Variants in EPG5 observed in about 807,000 individuals in gnomAD.
EPG5 encodes ectopic P-granules 5 autophagy tethering factor.
In EPG5, 159 loss-of-function variants were observed where a neutral mutation model predicts 302.7. The observed-to-expected ratio is 0.53, with a 90% CI of 0.46 to 0.60. The LOEUF (loss-of-function observed/expected upper bound fraction) is 0.60, where lower values mean the gene tolerates loss of function less well. EPG5 is among the 20% of genes least tolerant of loss of function. EPG5 has a pLI of 0.00. For missense variants in EPG5, 2,896 were observed against 3,092.4 expected, an observed-to-expected ratio of 0.94 and a Z score of 1.51; for synonymous variants, 1,158 against 1,136.8, an observed-to-expected ratio of 1.02 and a Z score of -0.37.
At chr18:45,812,428 A>G in the EPG5 span, among the ~76,000 whole-genome samples, 1 of 152,342 alleles carries the variant, frequency 6.6e-6, no homozygotes, top group South Asian at 2.1e-4. Context: ...TTTAAAGTTC[A>G]TATGGAACCA....
intron 30 of EPG5, 29 bp downstream of exon 30, chr18:45,884,588 A>T: frequency 6.4e-7 from 1 of 1,555,788 alleles, no homozygotes; most frequent in Non-Finnish European, 8.7e-7. Flanking sequence ...ACGTTTCAAC[A>T]ATATGGTGAG....
Position 45,954,434 on chromosome 18 carries a change from C to G in EPG5, c.968G>C (p.Ser323Thr). The change falls in exon 2 of 44, where the codon AGT becomes ACT. Residue 323 changes from serine to threonine, a missense_variant. By Grantham distance (58) the Ser-to-Thr change is moderately conservative. Transcript: ENST00000282041. Reference protein sequence around the residue: ...TLTSDCQNAKSRLWQFKEEQM... With the variant: ...TLTSDCQNAKTRLWQFKEEQM... ...TTCCTCCTTAAACTGCCACAGCCGA[C>G]TTTTAGCATTTTGGCAATCAGATGT... The G allele has an allele frequency of 6.2e-7, 1 of 1,613,712 alleles. No homozygotes were observed. The highest frequency in any genetic ancestry group is 8.5e-7 in the Non-Finnish European group (1 of 1,179,836).
chr18:45,899,651 G>A, intron 26 of EPG5, 85 bp from the exon 27 acceptor site: 1 of 1,369,122 alleles, frequency 7.3e-7, no homozygotes, highest in Non-Finnish European at 1.0e-6. Flanking sequence ...CCCACAGCCA[G>A]CATTATAGTG....
intron 9 of EPG5, among the ~76,000 whole-genome samples, chr18:45,941,284 C>T (rs960508027): frequency 3.3e-5 from 5 of 152,138 alleles, no homozygotes; most frequent in South Asian, 2.1e-4. Context: ...CAACTAACTA[C>T]GAGAAAGGCT....
intron 39 of EPG5, among the ~76,000 whole-genome samples, chr18:45,864,519 T>A (rs1266754435): frequency 6.6e-6 from 1 of 152,222 alleles, no homozygotes; most frequent in African/African-American, 2.4e-5. Flanking sequence ...TACTAATTAT[T>A]CCACTATCTT....
intron 24 of EPG5, chr18:45,907,250 C>T (rs2049774215): frequency 1.3e-5 from 2 of 152,014 alleles, no homozygotes; most frequent in African/African-American, 4.8e-5. Context: ...TTCCTAAATC[C>T]CATCCTGGTG....
At chr18:45,955,397 G>T in intron 1 of EPG5, 59 bp from the exon 2 acceptor site, 1 of 1,243,634 alleles carries the variant, frequency 8.0e-7, no homozygotes, top group Non-Finnish European at 1.1e-6. Context: ...CTTTCAGCAG[G>T]AGGAATTTTA....
the EPG5 span, among the ~76,000 whole-genome samples, chr18:45,831,576 G>A: frequency 6.6e-6 from 1 of 152,200 alleles, no homozygotes; most frequent in Admixed American, 6.5e-5. Context: ...ACCCAGCAGA[G>A]TCTCTAGCAC....
chr18:45,824,590 G>A, the EPG5 span, among the ~76,000 whole-genome samples: 2,651 of 152,296 alleles, frequency 0.017, 82 homozygotes, highest in African/African-American at 0.061. Flanking sequence ...CGCTGTGCTT[G>A]CAGAGAGTGA....
At chr18:45,951,855 A>C (rs1354383412) in intron 3 of EPG5, among the ~76,000 whole-genome samples, 2 of 152,208 alleles carry the variant, frequency 1.3e-5, no homozygotes, top group Non-Finnish European at 2.9e-5. Flanking sequence ...ATTTTACTTT[A>C]AAGTACCCTA....
chr18:45,934,280 C>A (rs943009233), intron 11 of EPG5, among the ~76,000 whole-genome samples: 1 of 151,908 alleles, frequency 6.6e-6, no homozygotes, highest in South Asian at 2.1e-4. Context: ...TAGAGTGAGA[C>A]CCTGTCTCAA....
intron 10 of EPG5, among the ~76,000 whole-genome samples, chr18:45,935,340 C>T (rs545272711): frequency 6.6e-6 from 1 of 152,092 alleles, no homozygotes; most frequent in South Asian, 2.1e-4. Flanking sequence ...GTCAGGAGTT[C>T]GAGACCAGCC....
At chr18:45,891,534 A>G (rs998435787) in intron 27 of EPG5, among the ~76,000 whole-genome samples, 2 of 151,898 alleles carry the variant, frequency 1.3e-5, no homozygotes, top group South Asian at 2.1e-4. Context: ...CTGAAGGGCA[A>G]TGGTCCTTCC....
At position 45,949,516 on chromosome 18, in the gene EPG5, C is replaced by T; in HGVS notation, c.1465G>A (p.Gly489Ser). ...AAAGGAACAGCCCATTTACTAACAC[C>T]AGCGGGGCATCGAAGAATATGGTTT... ...LLNHILRCPA[G>S]VSKWAVPFIQ... Residue 489 changes from glycine to serine, a missense_variant, in exon 5 of 44, where the codon GGT (glycine) becomes AGT (serine). By Grantham distance (56) the Gly-to-Ser change is moderately conservative. This residue lies in a region of EPG5 where 1,390 missense variants were observed against 1,430.0 expected (regional missense o/e 0.97). Transcript: ENST00000282041. 2 of 1,613,040 alleles carry T rather than the reference C, an allele frequency of 1.2e-6. No individual in the cohort carries two copies. The highest frequency in any genetic ancestry group is 2.2e-5 in the East Asian group (1 of 44,850).
At chr18:45,836,934 T>C in the EPG5 span, 1 of 752,940 alleles carries the variant, frequency 1.3e-6, no homozygotes, top group Non-Finnish European at 2.4e-6. Flanking sequence ...GAACGCTGGC[T>C]TGGCCTCATG....
intron 39 of EPG5, among the ~76,000 whole-genome samples, chr18:45,862,601 A>G (rs1162738459): frequency 4.9e-3 from 2 of 408 alleles, no homozygotes; most frequent in African/African-American, 8.5e-3. Context: ...AGTGTGCAAC[A>G]TCTCCCCCCT....
chr18:45,954,932 T>A lies in EPG5; in HGVS notation c.470A>T (p.Gln157Leu). 1.2e-6 allele frequency: 2 copies of A among 1,613,404 alleles called. No individual in the cohort carries two copies. The highest frequency in any genetic ancestry group is 8.5e-7 in the Non-Finnish European group (1 of 1,179,784). ...VQGGLSESAP[Q>L]SNFSYTQPAM... The stretch of plus-strand genomic sequence containing the variant: ...TGGCTGAGTATAAGAAAAATTAGAT[T>A]GGGGTGCACTTTCTGAAAGTCCACC... The change falls in exon 2 of 44, where the codon CAA becomes CTA. Residue 157 changes from glutamine to leucine, a missense_variant. This residue lies in a region of EPG5 where 1,390 missense variants were observed against 1,430.0 expected (regional missense o/e 0.97). Coordinates refer to ENST00000282041, the MANE Select transcript of EPG5 (RefSeq NM_020964.3).
At position 45,915,592 on chromosome 18, in the gene EPG5, A is replaced by T; in HGVS notation, c.3612T>A (p.Ser1204Arg). 2 of 1,614,178 alleles carry T rather than the reference A, an allele frequency of 1.2e-6. No individual in the cohort carries two copies. The highest frequency in any genetic ancestry group is 1.1e-5 in the South Asian group (1 of 91,090). The change falls in exon 20 of 44, where the codon AGT becomes AGA. Residue 1204 changes from serine to arginine, a missense_variant. Ser to Arg is a moderately radical substitution (Grantham distance 110, BLOSUM62 -1). This residue lies in a region of EPG5 where 1,390 missense variants were observed against 1,430.0 expected (regional missense o/e 0.97). Coordinates refer to ENST00000282041, the MANE Select transcript of EPG5 (RefSeq NM_020964.3). ...KNALGYHCDR[S>R]LLSSLVSWIV... ...TCCAGCTTACCAAAGATGAGAGCAG[A>T]CTCCGGTCACAGTGGTAACCCAAGG...
chr18:45,854,229 A>C (rs1018359961), intron 43 of EPG5, among the ~76,000 whole-genome samples: 1 of 152,244 alleles, frequency 6.6e-6, no homozygotes, highest in Non-Finnish European at 1.5e-5. Flanking sequence ...CTGTCTAGGC[A>C]ATGAGTGACA....
Sources: allele counts gnomAD v4.1 joint callset (sites outside exome capture counted in the v4.1 genomes callset), GRCh38; gene constraint gnomAD v4.1.1; regional missense constraint gnomAD v4.1.1; transcripts MANE v1.5; gene names NCBI Gene and HGNC (gene_info 2026-07-23, HGNC 2026-07-21).